The following TIPIN variants were observed in gnomAD, a reference collection of about 807,000 sequenced individuals.
TIPIN encodes TIMELESS-interacting protein.
TIPIN carries 29 observed loss-of-function variants against 35.6 expected under a neutral mutation model. That is an observed-to-expected ratio of 0.82 (90% confidence interval 0.61 to 1.11). TIPIN has a LOEUF of 1.11. Among genes scored for constraint, TIPIN ranks in the 50% most tolerant of loss-of-function variants. The pLI is 0.00. For missense variants in TIPIN, 296 were observed against 345.4 expected, an observed-to-expected ratio of 0.86 and a Z score of 1.13; for synonymous variants, 102 against 121.5, an observed-to-expected ratio of 0.84 and a Z score of 1.06.
chr15:66,370,921 T>C (rs2093275465), intron 1 of TIPIN, among the ~76,000 whole-genome samples: 1 of 152,074 alleles, frequency 6.6e-6, no homozygotes, highest in Non-Finnish European at 1.5e-5. Context: ...TGAAAGTGTA[T>C]CAAGCAAGGC....
At chr15:66,360,765 A>G (rs2093227475), upstream of TIPIN, among the ~76,000 whole-genome samples, 1 of 152,084 alleles carries the variant, frequency 6.6e-6, no homozygotes. Context: ...TCAAGAGTTC[A>G]AGACCAGCCT....
chr15:66,386,091 T>C (rs1224093946), intron 1 of TIPIN, among the ~76,000 whole-genome samples: 1 of 151,920 alleles, frequency 6.6e-6, no homozygotes, highest in African/African-American at 2.4e-5. Flanking sequence ...TTTAAGGCTT[T>C]AAAAAAATAT....
chr15:66,381,602 A>T (rs1277160947), intron 1 of TIPIN, among the ~76,000 whole-genome samples: 3 of 152,052 alleles, frequency 2.0e-5, no homozygotes, highest in African/African-American at 7.3e-5. Flanking sequence ...TCTTCTGTTG[A>T]ATATTTAGGT....
At chr15:66,356,955 C>T (rs1447247101), upstream of TIPIN, among the ~76,000 whole-genome samples, 1 of 151,812 alleles carries the variant, frequency 6.6e-6, no homozygotes, top group Non-Finnish European at 1.5e-5. Context: ...CTCGCTCTAT[C>T]ACTCAGGCTG....
chr15:66,347,369 G>A (rs748081399), intron 6 of TIPIN: 4 of 475,422 alleles, frequency 8.4e-6, no homozygotes, highest in East Asian at 5.8e-5. Context: ...TCCTATATCC[G>A]AGAGCTGCGC....
At chr15:66,374,351 C>T (rs764735296) in intron 1 of TIPIN, among the ~76,000 whole-genome samples, 7 of 136,918 alleles carry the variant, frequency 5.1e-5, no homozygotes, top group Non-Finnish European at 1.0e-4. Context: ...ATATATTTAT[C>T]GACTATTTGG....
intron 1 of TIPIN, among the ~76,000 whole-genome samples, chr15:66,371,985 G>A (rs2093279469): frequency 6.6e-6 from 1 of 151,988 alleles, no homozygotes. Context: ...TATAGAGAGA[G>A]GTTCTCACTA....
Position 66,337,058 on chromosome 15 carries a change from G to T in TIPIN, c.806C>A (p.Ala269Asp). 1.2e-6 allele frequency: 2 copies of T among 1,614,006 alleles called. No individual in the cohort carries two copies. The highest frequency in any genetic ancestry group is 1.7e-6 in the Non-Finnish European group (2 of 1,180,002). The part of the protein sequence containing the change: ...ILDNPCNDAI[A>D]NTLNEEETLL... ...TGTTTCCTCTTCATTTAAAGTATTG[G>T]CAATAGCATCATTACATGGATTGTC... The change falls in exon 8 of 8, where the codon GCC (alanine) becomes GAC (aspartate). Residue 269 changes from alanine to aspartate, a missense_variant. By Grantham distance (126) the Ala-to-Asp change is moderately radical. Transcript: ENST00000261881.
chr15:66,348,924 G>T, intron 6 of TIPIN, 136 bp downstream of exon 6: 1 of 676,778 alleles, frequency 1.5e-6, no homozygotes, highest in Non-Finnish European at 2.5e-6. Context: ...CAGACTGGGT[G>T]ACAGAGCAAG....
At chr15:66,371,109 G>C (rs961908617) in intron 1 of TIPIN, 44 of 438,288 alleles carry the variant, frequency 1.0e-4, no homozygotes, top group African/African-American at 8.6e-4. Context: ...TACTCGGAAG[G>C]CTGAGGCATG....
chr15:66,352,927 A>G lies in TIPIN; in HGVS notation c.21T>C (p.Asn7=), dbSNP rs750063134. The change falls in exon 2 of 8, where the codon AAT becomes AAC. Residue 7 remains asparagine, a synonymous_variant. Coordinates refer to ENST00000261881, the MANE Select transcript of TIPIN (RefSeq NM_017858.3). ...CATAATCTGGTAGGTCAATCACGCC[A>G]TTCTCCTGTGGTTCTAGCATCTTTT... is the stretch of plus-strand genomic sequence containing the variant. The part of the protein sequence containing the change: MLEPQE[N]GVIDLPDYEH... The G allele has an allele frequency of 6.2e-7, 1 of 1,613,746 alleles. No individual in the cohort carries two copies. Among genetic ancestry groups the G allele is most frequent in the South Asian group, 1.1e-5 (1 of 91,054 alleles).
chr15:66,360,485 T>G (rs111594212), upstream of TIPIN, among the ~76,000 whole-genome samples: 10,505 of 152,094 alleles, frequency 0.069, 1,206 homozygotes, highest in African/African-American at 0.24. Context: ...GTTAACTGTT[T>G]GTTGTTTTAT....
In TIPIN at chr15:66,341,164, T is replaced by C; in HGVS notation, c.668A>G (p.Gln223Arg). The C allele has an allele frequency of 6.2e-7, 1 of 1,611,708 alleles. No homozygotes were observed. Among genetic ancestry groups the C allele is most frequent in the South Asian group, 1.1e-5 (1 of 90,968 alleles). Residue 223 changes from glutamine (Q) to arginine (R), a missense_variant, in exon 7 of 8, where the codon CAG becomes CGG. Transcript: ENST00000261881. ...RRQAKLLSNS[Q>R]TLGNDMLMNT... Reference sequence around the variant, plus strand: ...ATAAAATTTACCATTTCCTAGGGTCTGACTATTACTCAGCAGCTTTGCCTG... The same window carrying C: ...ATAAAATTTACCATTTCCTAGGGTCCGACTATTACTCAGCAGCTTTGCCTG...
chr15:66,356,872 A>G, upstream of TIPIN, among the ~76,000 whole-genome samples: 1 of 151,916 alleles, frequency 6.6e-6, no homozygotes, highest in African/African-American at 2.4e-5. Flanking sequence ...AACTCAGTTA[A>G]GCCTCCTTAT....
At chr15:66,355,027 C>CT (rs747834289) in intron 1 of TIPIN, among the ~76,000 whole-genome samples, 18,654 of 112,772 alleles carry the variant, frequency 0.17, 2,166 homozygotes, top group East Asian at 0.36. Flanking sequence ...CAATATATAT[C>CT]TTTTTTTTTT....
intron 1 of TIPIN, chr15:66,386,459 C>CATA (rs1443937601): frequency 6.6e-6 from 1 of 152,504 alleles, no homozygotes; most frequent in African/African-American, 2.4e-5. Context: ...GTTTGTTGGG[C>CATA]TCAAAGGAGC....
intron 6 of TIPIN, 88 bp from the exon 7 acceptor site, chr15:66,341,444 G>T: frequency 8.2e-7 from 1 of 1,226,920 alleles, no homozygotes; most frequent in South Asian, 1.5e-5. Context: ...GTGGCAAGGT[G>T]ACAGACCTGA....
intron 5 of TIPIN, 87 bp from the exon 6 acceptor site, chr15:66,349,210 CAA>C: frequency 6.3e-7 from 1 of 1,596,178 alleles, no homozygotes; most frequent in Non-Finnish European, 8.6e-7. Context: ...CCCTCTCTAC[CAA>C]AAGAGATTTC....
intron 6 of TIPIN, chr15:66,347,179 C>T (rs774520466): frequency 2.8e-5 from 14 of 493,094 alleles, no homozygotes; most frequent in South Asian, 2.1e-4. Flanking sequence ...TCTTCCACAT[C>T]TGTTAAAAGT....
Sources: gnomAD v4.1 joint callset for allele counts (sites outside exome capture counted in the v4.1 genomes callset) on GRCh38, gnomAD v4.1.1 for gene constraint, MANE v1.5 for transcripts, NCBI Gene and HGNC (gene_info 2026-07-23, HGNC 2026-07-21) for gene names.